The following SRBD1 variants were observed in gnomAD, a reference collection of about 807,000 sequenced individuals.
SRBD1 encodes the protein S1 RNA-binding domain-containing protein 1.
In SRBD1, 88 loss-of-function variants were observed where a neutral mutation model predicts 115.3. The observed-to-expected ratio is 0.76, with a 90% confidence interval of 0.64 to 0.91. The LOEUF is 0.91. SRBD1 is among the 40% of genes least tolerant of loss of function. The pLI, the probability that SRBD1 is intolerant of heterozygous loss-of-function variation, is 0.00. For synonymous variants in SRBD1, 509 were observed against 407.7 expected, an observed-to-expected ratio of 1.25 and a Z score of -2.99; for missense variants, 1,385 against 1,177.4, an observed-to-expected ratio of 1.18 and a Z score of -2.58.
chr2:45,423,314 T>C (rs574710055), intron 16 of SRBD1, among the ~76,000 whole-genome samples: 2 of 152,298 alleles, frequency 1.3e-5, no homozygotes, highest in Non-Finnish European at 1.5e-5. Context: ...TTAGGTTAGA[T>C]ATGCAAGGCA....
chr2:45,488,537 C>T (rs955559526), intron 14 of SRBD1, among the ~76,000 whole-genome samples: 1 of 151,824 alleles, frequency 6.6e-6, no homozygotes, highest in African/African-American at 2.4e-5. Flanking sequence ...ATGAAATACA[C>T]AGACTTAAAT....
At chr2:45,494,811 G>C (rs1353697269) in intron 14 of SRBD1, among the ~76,000 whole-genome samples, 1 of 152,150 alleles carries the variant, frequency 6.6e-6, no homozygotes, top group African/African-American at 2.4e-5. Context: ...AAAAGAGAAA[G>C]AAAATACACA....
intron 7 of SRBD1, among the ~76,000 whole-genome samples, chr2:45,575,767 G>T (rs1322011424): frequency 6.6e-6 from 1 of 152,042 alleles, no homozygotes; most frequent in Non-Finnish European, 1.5e-5. Context: ...GCAGTGGTGC[G>T]ATCTTGGCTC....
intron 16 of SRBD1, among the ~76,000 whole-genome samples, chr2:45,443,486 G>GT (rs953600040): frequency 6.6e-6 from 1 of 152,060 alleles, no homozygotes; most frequent in Non-Finnish European, 1.5e-5. Flanking sequence ...GACGTCAACA[G>GT]TTTTTTTCTA....
chr2:45,395,554 C>T (rs1667120738), intron 19 of SRBD1, among the ~76,000 whole-genome samples: 1 of 152,144 alleles, frequency 6.6e-6, no homozygotes, highest in Non-Finnish European at 1.5e-5. Flanking sequence ...TAACTGAAAT[C>T]AATAAAAAAG....
chr2:45,455,546 A>T (rs1669126163), intron 16 of SRBD1, among the ~76,000 whole-genome samples: 1 of 151,838 alleles, frequency 6.6e-6, no homozygotes, highest in South Asian at 2.1e-4. Context: ...TCTGATGATG[A>T]TAAAGAGGAA....
At chr2:45,494,673 A>G (rs1670401459) in intron 14 of SRBD1, among the ~76,000 whole-genome samples, 1 of 152,204 alleles carries the variant, frequency 6.6e-6, no homozygotes, top group African/African-American at 2.4e-5. Flanking sequence ...CTCCCAAGTT[A>G]TCCTTCATGA....
At chr2:45,534,127 C>T (rs908401354) in intron 14 of SRBD1, among the ~76,000 whole-genome samples, 1 of 151,890 alleles carries the variant, frequency 6.6e-6, no homozygotes, top group South Asian at 2.1e-4. Context: ...AACAGTCAAA[C>T]TGAATTCAAA....
intron 7 of SRBD1, among the ~76,000 whole-genome samples, chr2:45,577,153 T>C (rs1370724372): frequency 1.3e-5 from 2 of 152,124 alleles, no homozygotes; most frequent in African/African-American, 4.8e-5. Flanking sequence ...TGGTTCTCAA[T>C]GGGAGATAGA....
At chr2:45,525,806 AAAG>A (rs142058655) in intron 14 of SRBD1, among the ~76,000 whole-genome samples, 6,056 of 152,152 alleles carry the variant, frequency 0.04, 208 homozygotes, top group East Asian at 0.12. Context: ...ATAAATGAGC[AAAG>A]AATATGAATA....
intron 19 of SRBD1, among the ~76,000 whole-genome samples, chr2:45,399,629 GAGATT>G: frequency 6.6e-6 from 1 of 152,192 alleles, no homozygotes; most frequent in African/African-American, 2.4e-5. Context: ...TTTACTTTCG[GAGATT>G]TTCATGCAGA....
intron 9 of SRBD1, chr2:45,569,094 T>C (rs931518298): frequency 6.8e-6 from 1 of 146,596 alleles, no homozygotes; most frequent in Non-Finnish European, 1.5e-5. Context: ...TTTCAGGAAA[T>C]ACTTGTGGGA....
At chr2:45,516,310 G>A (rs1671116544) in intron 14 of SRBD1, among the ~76,000 whole-genome samples, 2 of 152,172 alleles carry the variant, frequency 1.3e-5, no homozygotes, top group South Asian at 4.1e-4. Flanking sequence ...GAGCTGTTTT[G>A]AAAGGTGGGA....
At chr2:45,486,744 T>C (rs1187446155) in intron 15 of SRBD1, among the ~76,000 whole-genome samples, 1 of 145,736 alleles carries the variant, frequency 6.9e-6, no homozygotes, top group Admixed American at 6.8e-5. Flanking sequence ...AAAAATAAAA[T>C]AAAATAAAAT....
At chr2:45,474,113 T>C (rs1669733242) in intron 16 of SRBD1, among the ~76,000 whole-genome samples, 1 of 152,356 alleles carries the variant, frequency 6.6e-6, no homozygotes, top group South Asian at 2.1e-4. Context: ...ATTTGATTGG[T>C]TTGAATTCAT....
chr2:45,525,570 C>T (rs11125020), intron 14 of SRBD1, among the ~76,000 whole-genome samples: 97,645 of 151,638 alleles, frequency 0.64, 31,981 homozygotes, highest in Non-Finnish European at 0.71. Context: ...TAAAAAAATG[C>T]TGAGAGTGGA....
At chr2:45,541,190 G>A (rs772892398) in intron 14 of SRBD1, among the ~76,000 whole-genome samples, 3 of 152,240 alleles carry the variant, frequency 2.0e-5, no homozygotes, top group Non-Finnish European at 4.4e-5. Context: ...CAAGGCTGTG[G>A]CTGGACCAGA....
At chr2:45,593,358 T>A (rs868825484) in intron 4 of SRBD1, among the ~76,000 whole-genome samples, 13 of 152,136 alleles carry the variant, frequency 8.5e-5, no homozygotes, top group Admixed American at 6.5e-5. Context: ...GCAAGATGAT[T>A]CCTCAGGCAT....
intron 16 of SRBD1, among the ~76,000 whole-genome samples, chr2:45,422,004 A>C (rs1572623162): frequency 6.6e-6 from 1 of 152,242 alleles, no homozygotes; most frequent in South Asian, 2.1e-4. Flanking sequence ...TAAGCAGATG[A>C]AAAGCAGCAA....
Sources: allele counts gnomAD v4.1 joint callset (sites outside exome capture counted in the v4.1 genomes callset), GRCh38; gene constraint gnomAD v4.1.1; transcripts MANE v1.5; gene names NCBI Gene and HGNC (gene_info 2026-07-23, HGNC 2026-07-21).